The following DLC1 variants were observed in gnomAD, a reference collection of about 807,000 sequenced individuals.
DLC1 encodes rho GTPase-activating protein 7.
DLC1 carries 54 observed loss-of-function variants against 140.3 expected under a neutral mutation model. That is an observed-to-expected ratio of 0.38 (90% CI 0.31 to 0.48). The LOEUF (loss-of-function observed/expected upper bound fraction) is 0.48, where lower values mean the gene tolerates loss of function less well. Ranked by LOEUF, DLC1 falls within the 20% of genes least tolerant of loss-of-function variation. The pLI is 0.96. For synonymous variants in DLC1, 986 were observed against 728.1 expected, an observed-to-expected ratio of 1.35 and a Z score of -5.70; for missense variants, 2,536 against 1,907.0, an observed-to-expected ratio of 1.33 and a Z score of -6.14.
chr8:13,443,322 G>T (rs1337228182), intron 2 of DLC1, among the ~76,000 whole-genome samples: 1 of 138,596 alleles, frequency 7.2e-6, no homozygotes, highest in East Asian at 2.2e-4. Context: ...CCTGCACTTT[G>T]TGCATATGTA....
chr8:13,301,006 G>A (rs757527780), intron 5 of DLC1, among the ~76,000 whole-genome samples: 1 of 152,160 alleles, frequency 6.6e-6, no homozygotes, highest in Non-Finnish European at 1.5e-5. Flanking sequence ...TGACAGCACG[G>A]TGTGTAGAAG....
At chr8:13,459,137 T>C (rs1799543465) in intron 2 of DLC1, among the ~76,000 whole-genome samples, 1 of 152,230 alleles carries the variant, frequency 6.6e-6, no homozygotes, top group Admixed American at 6.5e-5. Flanking sequence ...AAAAATTCTC[T>C]TGAACTTTTA....
intron 5 of DLC1, among the ~76,000 whole-genome samples, chr8:13,136,862 GTAGTTGAATATGTTATT>G (rs1334110851): frequency 3.3e-5 from 5 of 152,220 alleles, no homozygotes; most frequent in African/African-American, 1.2e-4. Context: ...TCATGGCTGT[GTAGTTGAATATGTTATT>G]TAGCTTCTCA....
intron 9 of DLC1, among the ~76,000 whole-genome samples, chr8:13,098,915 CA>C (rs1444535952): frequency 6.6e-6 from 1 of 152,098 alleles, no homozygotes; most frequent in Non-Finnish European, 1.5e-5. Flanking sequence ...GTGCCTGGCC[CA>C]AAGGCTTTTT....
upstream of DLC1, among the ~76,000 whole-genome samples, chr8:13,517,817 C>T (rs1038301678): frequency 3.9e-5 from 6 of 152,206 alleles, no homozygotes; most frequent in African/African-American, 1.4e-4. Flanking sequence ...AGTTACCTAA[C>T]CGGGGTGAGG....
chr8:13,287,564 C>T (rs780123054), intron 5 of DLC1, among the ~76,000 whole-genome samples: 9 of 152,056 alleles, frequency 5.9e-5, no homozygotes, highest in Non-Finnish European at 8.8e-5. Flanking sequence ...TGAATTAAAC[C>T]CTTGTTGGTA....
At chr8:13,470,155 G>T (rs903857431) in intron 2 of DLC1, among the ~76,000 whole-genome samples, 1 of 152,058 alleles carries the variant, frequency 6.6e-6, no homozygotes, top group East Asian at 1.9e-4. Flanking sequence ...CTTTGATACA[G>T]CTGGAAAGGA....
At chr8:13,332,936 C>G (rs759982428) in intron 4 of DLC1, among the ~76,000 whole-genome samples, 13 of 151,608 alleles carry the variant, frequency 8.6e-5, no homozygotes, top group Non-Finnish European at 1.3e-4. Context: ...AATCTCCTGC[C>G]CAAAGGTTTA....
chr8:13,405,927 T>TTCTC (rs1295220899), intron 2 of DLC1, among the ~76,000 whole-genome samples: 1 of 128,956 alleles, frequency 7.8e-6, no homozygotes, highest in African/African-American at 2.9e-5. Flanking sequence ...TTTTCTTTCT[T>TTCTC]TCTTTCTTTC....
chr8:13,254,481 C>T (rs1278112925), intron 5 of DLC1, among the ~76,000 whole-genome samples: 4 of 152,152 alleles, frequency 2.6e-5, no homozygotes, highest in Non-Finnish European at 4.4e-5. Context: ...TATATCTTTC[C>T]ACTTTTGATC....
intron 4 of DLC1, among the ~76,000 whole-genome samples, chr8:13,381,433 T>C (rs1343182130): frequency 6.6e-6 from 1 of 152,204 alleles, no homozygotes; most frequent in Non-Finnish European, 1.5e-5. Flanking sequence ...TAGATATGTC[T>C]GGTAGAGTCC....
At chr8:13,327,534 G>T (rs1833417340) in intron 4 of DLC1, among the ~76,000 whole-genome samples, 1 of 150,496 alleles carries the variant, frequency 6.6e-6, no homozygotes, top group South Asian at 2.1e-4. Flanking sequence ...TGCCCTGGCT[G>T]GTCTTGAACT....
At chr8:13,377,475 C>T (rs1009931791) in intron 4 of DLC1, among the ~76,000 whole-genome samples, 1 of 152,084 alleles carries the variant, frequency 6.6e-6, no homozygotes, top group Non-Finnish European at 1.5e-5. Flanking sequence ...TATAAACATA[C>T]TCTTTCAAGG....
At chr8:13,546,996 C>T (rs1488643581) in intron 1 of DLC1, among the ~76,000 whole-genome samples, 1 of 151,994 alleles carries the variant, frequency 6.6e-6, no homozygotes, top group Non-Finnish European at 1.5e-5. Flanking sequence ...TAATTACAAT[C>T]ATATGTTAAA....
At chr8:13,314,009 G>C (rs1051733408) in intron 4 of DLC1, among the ~76,000 whole-genome samples, 9 of 152,046 alleles carry the variant, frequency 5.9e-5, no homozygotes, top group African/African-American at 2.2e-4. Context: ...CAGGACCTGA[G>C]GGCATAAGTG....
intron 3 of DLC1, among the ~76,000 whole-genome samples, chr8:13,396,260 C>G (rs951590627): frequency 6.6e-6 from 1 of 151,860 alleles, no homozygotes; most frequent in African/African-American, 2.4e-5. Flanking sequence ...GGGGTTTCAT[C>G]GTATTAGCCA....
chr8:13,495,485 C>T (rs1801459120), intron 2 of DLC1, among the ~76,000 whole-genome samples: 1 of 152,166 alleles, frequency 6.6e-6, no homozygotes, highest in Non-Finnish European at 1.5e-5. Flanking sequence ...CTAACATTTG[C>T]TCACAATTTG....
chr8:13,256,531 T>C (rs900511104), intron 5 of DLC1, among the ~76,000 whole-genome samples: 1 of 152,162 alleles, frequency 6.6e-6, no homozygotes, highest in Non-Finnish European at 1.5e-5. Context: ...CCATGGAATA[T>C]ACTATGCAGC....
chr8:13,407,844 T>C (rs981219186), intron 2 of DLC1, among the ~76,000 whole-genome samples: 1 of 152,220 alleles, frequency 6.6e-6, no homozygotes, highest in African/African-American at 2.4e-5. Flanking sequence ...CTCAGTTTCA[T>C]CCTGAAGTAT....
Sources: allele counts gnomAD v4.1 joint callset (sites outside exome capture counted in the v4.1 genomes callset), GRCh38; gene constraint gnomAD v4.1.1; transcripts MANE v1.5; gene names NCBI Gene and HGNC (gene_info 2026-07-23, HGNC 2026-07-21).